Variants in PDE10A observed in about 807,000 individuals in gnomAD.
PDE10A encodes phosphodiesterase 10A.
PDE10A carries 39 observed loss-of-function variants against 97.7 expected under a neutral mutation model. The observed-to-expected ratio is 0.40, with a 90% CI of 0.31 to 0.52. PDE10A has a LOEUF of 0.52. Among genes scored for constraint, PDE10A ranks in the 20% least tolerant of loss-of-function variants. The pLI, the probability that PDE10A is intolerant of heterozygous loss-of-function variation, is 0.56. For missense variants in PDE10A, 731 were observed against 1,047.8 expected (o/e 0.70, Z 4.17); for synonymous variants, 371 against 376.8 (o/e 0.98, Z 0.18).
At chr6:165,976,988 T>C (rs1157177032) in intron 1 of PDE10A, among the ~76,000 whole-genome samples, 1 of 152,228 alleles carries the variant, frequency 6.6e-6, no homozygotes, top group African/African-American at 2.4e-5. Context: ...GATAGTTCCC[T>C]TGGTGAGAGA....
At chr6:165,653,255 TGAG>T (rs1160269998) in intron 1 of PDE10A, among the ~76,000 whole-genome samples, 1 of 152,236 alleles carries the variant, frequency 6.6e-6, no homozygotes, top group African/African-American at 2.4e-5. Flanking sequence ...TGCTCGGCAC[TGAG>T]GTTAGGAAAA....
At chr6:165,713,985 G>A (rs982691881) in intron 1 of PDE10A, among the ~76,000 whole-genome samples, 3 of 152,226 alleles carry the variant, frequency 2.0e-5, no homozygotes, top group Non-Finnish European at 4.4e-5. Flanking sequence ...TTACTGAGGT[G>A]TGGTTGATGC....
intron 3 of PDE10A, among the ~76,000 whole-genome samples, chr6:165,468,411 C>T (rs1413975508): frequency 6.6e-6 from 1 of 152,058 alleles, no homozygotes; most frequent in Non-Finnish European, 1.5e-5. Context: ...AGTGAATGCA[C>T]ATTGCATTTT....
chr6:165,441,049 T>C (rs565322499), intron 5 of PDE10A, among the ~76,000 whole-genome samples: 1 of 152,344 alleles, frequency 6.6e-6, no homozygotes, highest in South Asian at 2.1e-4. Flanking sequence ...ACTTTGTCTA[T>C]AGCAGACATT....
At chr6:165,588,244 GCT>G (rs1402959336) in intron 1 of PDE10A, among the ~76,000 whole-genome samples, 1 of 149,698 alleles carries the variant, frequency 6.7e-6, no homozygotes, top group Non-Finnish European at 1.5e-5. Context: ...GTAGTAAACT[GCT>G]GGAGAGTGAG....
chr6:165,786,800 A>T (rs887907735), intron 1 of PDE10A, among the ~76,000 whole-genome samples: 3 of 152,334 alleles, frequency 2.0e-5, no homozygotes, highest in Admixed American at 6.5e-5. Flanking sequence ...TAAAAACTTG[A>T]TTATAAAACT....
chr6:165,584,782 G>A (rs1562603302), intron 1 of PDE10A, among the ~76,000 whole-genome samples: 1 of 152,120 alleles, frequency 6.6e-6, no homozygotes, highest in Non-Finnish European at 1.5e-5. Flanking sequence ...TTTCAGGCAG[G>A]ACTGTTAATG....
chr6:165,852,087 C>T (rs1780587933), intron 1 of PDE10A, among the ~76,000 whole-genome samples: 1 of 152,218 alleles, frequency 6.6e-6, no homozygotes, highest in Non-Finnish European at 1.5e-5. Context: ...TTCACAATGG[C>T]CTTTCCCCCC....
intron 1 of PDE10A, among the ~76,000 whole-genome samples, chr6:165,591,873 A>T (rs1365309295): frequency 1.3e-5 from 2 of 152,220 alleles, no homozygotes; most frequent in South Asian, 2.1e-4. Flanking sequence ...AGGCTCTATT[A>T]TATGTCCATC....
intron 13 of PDE10A, among the ~76,000 whole-genome samples, chr6:165,408,979 C>A (rs929771413): frequency 6.7e-6 from 1 of 149,068 alleles, no homozygotes; most frequent in African/African-American, 2.5e-5. Flanking sequence ...CCCTGGCTAA[C>A]ACGGCGAAAC....
At chr6:165,842,314 T>C (rs1780285463) in intron 1 of PDE10A, among the ~76,000 whole-genome samples, 1 of 151,804 alleles carries the variant, frequency 6.6e-6, no homozygotes, top group African/African-American at 2.4e-5. Context: ...GTGATATACC[T>C]GCATGACTTC....
At chr6:165,581,763 C>T (rs1410396315) in intron 1 of PDE10A, among the ~76,000 whole-genome samples, 1 of 152,172 alleles carries the variant, frequency 6.6e-6, no homozygotes, top group Non-Finnish European at 1.5e-5. Flanking sequence ...CCTACTTGGA[C>T]TGGGGATTAA....
intron 1 of PDE10A, among the ~76,000 whole-genome samples, chr6:165,626,202 C>A (rs942078293): frequency 1.3e-5 from 2 of 152,182 alleles, no homozygotes; most frequent in African/African-American, 2.4e-5. Flanking sequence ...ATAAGAAAGT[C>A]TCTTAGATCA....
rs540901352 is a variant in PDE10A at position 165,835,038 on chromosome 6, C to T, written c.-615+152491G>A. Among the ~76,000 whole-genome samples the T allele has an allele frequency of 9.9e-5, 15 of 152,218 alleles. No homozygotes were observed. In the East Asian group the frequency reaches 1.4e-3, roughly 14 times the overall value. ...AGTCAGAGTCCAGCTTTTCGGAGCA[C>T]GTGTGGGCTGCAGAAGTCATTCAGC... On this transcript the variant is annotated intron_variant, in intron 1 of 19. Transcript: ENST00000366882.
intron 1 of PDE10A, among the ~76,000 whole-genome samples, chr6:165,712,941 G>A (rs191885471): frequency 2.6e-5 from 4 of 152,252 alleles, no homozygotes; most frequent in African/African-American, 4.8e-5. Context: ...CACCCGGCCC[G>A]TTTTAACTTC....
chr6:165,338,072 C>A (rs547658069), intron 20 of PDE10A, among the ~76,000 whole-genome samples: 2 of 152,286 alleles, frequency 1.3e-5, no homozygotes, highest in East Asian at 1.9e-4. Context: ...TAAAATGCGA[C>A]AAAAACTTCA....
At chr6:165,600,687 T>C (rs1177442115) in intron 1 of PDE10A, among the ~76,000 whole-genome samples, 2 of 152,232 alleles carry the variant, frequency 1.3e-5, no homozygotes, top group East Asian at 3.9e-4. Flanking sequence ...GATTTACATT[T>C]GCAGCTTTCC....
intron 1 of PDE10A, among the ~76,000 whole-genome samples, chr6:165,975,221 A>G (rs1784813708): frequency 6.6e-6 from 1 of 152,226 alleles, no homozygotes; most frequent in Admixed American, 6.5e-5. Flanking sequence ...GGAGGTATTC[A>G]GGCTATCTGG....
At chr6:165,692,758 G>A (rs1791337703) in intron 1 of PDE10A, among the ~76,000 whole-genome samples, 2 of 152,176 alleles carry the variant, frequency 1.3e-5, no homozygotes, top group Admixed American at 1.3e-4. Flanking sequence ...AATTACTTAT[G>A]CATTTTAAAT....
Sources: allele counts gnomAD v4.1 joint callset (sites outside exome capture counted in the v4.1 genomes callset), GRCh38; gene constraint gnomAD v4.1.1; transcripts MANE v1.5; gene names NCBI Gene and HGNC (gene_info 2026-07-23, HGNC 2026-07-21).